The following MAOB variants were observed in gnomAD, a reference collection of about 807,000 sequenced individuals.
MAOB encodes amine oxidase [flavin-containing] B.
In MAOB, 15 loss-of-function variants were observed where a neutral mutation model predicts 41.9. The observed-to-expected ratio is 0.36, with a 90% CI of 0.24 to 0.55. The LOEUF is 0.55. MAOB is among the 20% of genes least tolerant of loss of function. MAOB has a pLI of 0.86. For synonymous variants in MAOB, 167 were observed against 144.2 expected (o/e 1.16, Z -1.13); for missense variants, 345 against 398.7 (o/e 0.87, Z 1.15).
chrX:43,795,918 A>G, intron 6 of MAOB, 30 bp from the exon 7 acceptor site: 1 of 1,193,241 alleles, frequency 8.4e-7, no homozygotes, highest in Non-Finnish European at 1.1e-6. Flanking sequence ...TGAAAGAGAA[A>G]CGCAGGAATG....
chrX:43,852,042 T>C (rs182440322), intron 1 of MAOB, among the ~76,000 whole-genome samples: 2 of 111,661 alleles, frequency 1.8e-5, no homozygotes, highest in East Asian at 2.8e-4. Flanking sequence ...TGCCCTTCAG[T>C]AGAAAAAGCT....
chrX:43,846,763 T>G (rs1328419278), intron 1 of MAOB, among the ~76,000 whole-genome samples: 3 of 112,030 alleles, frequency 2.7e-5, no homozygotes, highest in African/African-American at 6.5e-5. Context: ...AAGCAAACAA[T>G]GAACTCTACA....
chrX:43,808,676 AT>A (rs1365411206), intron 3 of MAOB, among the ~76,000 whole-genome samples: 30 of 100,875 alleles, frequency 3.0e-4, no homozygotes, highest in South Asian at 1.3e-3. Flanking sequence ...CTATATCTAT[AT>A]CTATATCTAT....
At chrX:43,843,140 A>G (rs772737195) in intron 2 of MAOB, among the ~76,000 whole-genome samples, 1 of 111,207 alleles carries the variant, frequency 9.0e-6, no homozygotes, top group South Asian at 3.8e-4. Context: ...CATTGTATAC[A>G]TATGGTGAAA....
At chrX:43,854,558 G>A (rs1318284198) in intron 1 of MAOB, among the ~76,000 whole-genome samples, 3 of 111,442 alleles carry the variant, frequency 2.7e-5, no homozygotes, top group Admixed American at 1.9e-4. Context: ...AATATCTAAC[G>A]CATGCAGGGC....
intron 3 of MAOB, among the ~76,000 whole-genome samples, chrX:43,834,048 A>T (rs2090673384): frequency 8.9e-6 from 1 of 112,219 alleles, no homozygotes; most frequent in African/African-American, 3.2e-5. Context: ...TCCTTGAAAA[A>T]ATCTTCCATA....
intron 12 of MAOB, among the ~76,000 whole-genome samples, chrX:43,774,644 G>A (rs888591024): frequency 1.8e-5 from 2 of 111,539 alleles, no homozygotes; most frequent in Non-Finnish European, 3.8e-5. Context: ...TTCATGCCCA[G>A]TCTAGAACTC....
At chrX:43,853,339 GT>G (rs1234127699) in intron 1 of MAOB, among the ~76,000 whole-genome samples, 2 of 105,771 alleles carry the variant, frequency 1.9e-5, no homozygotes, top group African/African-American at 3.4e-5. Context: ...AAGTTCCCCT[GT>G]TTTTTTTCTG....
chrX:43,857,151 AGAGAGAGAGAGAGAAG>A (rs2035301573), intron 1 of MAOB, among the ~76,000 whole-genome samples: 1 of 62,479 alleles, frequency 1.6e-5, no homozygotes, highest in Non-Finnish European at 2.8e-5. Context: ...AGAGAGAGAG[AGAGAGAGAGAGAGAAG>A]AAGAGAGAGA....
At chrX:43,794,025 C>T (rs990935443) in intron 7 of MAOB, among the ~76,000 whole-genome samples, 4 of 111,804 alleles carry the variant, frequency 3.6e-5, no homozygotes, top group African/African-American at 1.3e-4. Flanking sequence ...TACAGGTGTG[C>T]ACCACCACAC....
intron 3 of MAOB, among the ~76,000 whole-genome samples, chrX:43,819,225 T>C (rs923956774): frequency 8.9e-6 from 1 of 111,854 alleles, no homozygotes; most frequent in Non-Finnish European, 1.9e-5. Context: ...AACTTATTAC[T>C]TCAGTTACTC....
chrX:43,776,340 CCTT>C (rs1463611598), intron 11 of MAOB, among the ~76,000 whole-genome samples: 1 of 112,476 alleles, frequency 8.9e-6, no homozygotes, highest in Non-Finnish European at 1.9e-5. Flanking sequence ...TCATGCACAC[CCTT>C]CTTAGGAAAA....
chrX:43,855,615 A>G (rs1307385770), intron 1 of MAOB, among the ~76,000 whole-genome samples: 1 of 112,221 alleles, frequency 8.9e-6, no homozygotes, highest in Non-Finnish European at 1.9e-5. Flanking sequence ...CTGTAGTTAG[A>G]GAACAAAAAC....
In MAOB at chrX:43,882,291, G is replaced by A; in HGVS notation, c.9C>T (p.Asn3=). The change falls in exon 1 of 15, where the codon AAC becomes AAT. Residue 3 remains asparagine, a synonymous_variant. Transcript: ENST00000378069. MS[N]KCDVVVVGGG... Reference sequence around the variant, plus strand: ...CCCCCACCACGACCACGTCGCATTTGTTGCTCATGGCGCTCGCCCCGTTCC... The same window carrying A: ...CCCCCACCACGACCACGTCGCATTTATTGCTCATGGCGCTCGCCCCGTTCC... 1 of 1,209,049 alleles carries A rather than the reference G, an allele frequency of 8.3e-7. No homozygotes were observed. Among genetic ancestry groups the A allele is most frequent in the Non-Finnish European group, 1.1e-6 (1 of 894,376 alleles).
At position 43,843,705 on chromosome X, in the gene MAOB, G is replaced by A. The variant is rs778570953; in HGVS notation, c.106C>T (p.Arg36Trp). The A allele has an allele frequency of 3.3e-6, 4 of 1,210,611 alleles. No individual in the cohort carries two copies. Among genetic ancestry groups the A allele is most frequent in the Non-Finnish European group, 4.5e-6 (4 of 895,060 alleles). ...SGLNVVVLEA[R>W]DRVGGRTYTL... ...TAAGTCCTGCCTCCCACACGGTCCC[G>A]GGCTTCCAGAACAACCACATTCAGT... Residue 36 changes from arginine (R) to tryptophan (W), a missense_variant, in exon 2 of 15, where the codon CGG (arginine) becomes TGG (tryptophan). Physicochemically the swap from Arg to Trp is moderately radical, Grantham distance 101. Coordinates refer to ENST00000378069, the MANE Select transcript of MAOB (RefSeq NM_000898.5).
In MAOB at chrX:43,882,442, C is replaced by G; in HGVS notation, c.-143G>C. On this transcript the variant is annotated 5_prime_UTR_variant, in exon 1 of 15. Transcript: ENST00000378069. ...CCCGTGCACCAGCGCCTCGGCGAGC[C>G]GCTATATTACCAGCCCCGGGAGCCC... 2.0e-6 allele frequency: 2 copies of G among 1,001,390 alleles called. No homozygotes were observed. Among genetic ancestry groups the G allele is most frequent in the Non-Finnish European group, 1.3e-6 (1 of 790,462 alleles). The allele number at this position is 1,001,390 out of a possible 1,213,427, so 82.5% of individuals were successfully genotyped here.
At chrX:43,811,773 T>A (rs777864770) in intron 3 of MAOB, among the ~76,000 whole-genome samples, 74 of 111,704 alleles carry the variant, frequency 6.6e-4, no homozygotes, top group Non-Finnish European at 1.9e-4. Context: ...GCATGCAATG[T>A]GTAATAATCA....
intron 12 of MAOB, among the ~76,000 whole-genome samples, chrX:43,770,816 G>A (rs1215197027): frequency 9.0e-5 from 10 of 111,511 alleles, no homozygotes; most frequent in African/African-American, 3.3e-4. Flanking sequence ...ATATTTAATA[G>A]TTAGTAGACT....
chrX:43,775,055 G>GTTTTTTTTT, intron 12 of MAOB, 120 bp downstream of exon 12: 2 of 618,349 alleles, frequency 3.2e-6, no homozygotes, highest in Non-Finnish European at 4.0e-6. Context: ...AAATTGGGTT[G>GTTTTTTTTT]TTTTTTTTTT....
Sources: allele counts gnomAD v4.1 joint callset (sites outside exome capture counted in the v4.1 genomes callset), GRCh38; gene constraint gnomAD v4.1.1; transcripts MANE v1.5; gene names NCBI Gene and HGNC (gene_info 2026-07-23, HGNC 2026-07-21).